The following LOC128462377 variants were observed in gnomAD, a reference collection of about 807,000 sequenced individuals.
chr16:89,328,955 G>A, the LOC128462377 span: 1 of 142,424 alleles, frequency 7.0e-6, no homozygotes, highest in East Asian at 2.1e-4. Context: ...AGGAGCACGG[G>A]CGAAATCAGT....
chr16:89,353,350 A>AAGAGAG, the LOC128462377 span, among the ~76,000 whole-genome samples: 12 of 149,554 alleles, frequency 8.0e-5, no homozygotes, highest in African/African-American at 2.7e-4. Context: ...TCCAAAAAAA[A>AAGAGAG]AGAGAGAGAG....
the LOC128462377 span, among the ~76,000 whole-genome samples, chr16:89,367,832 A>G: frequency 6.6e-6 from 1 of 152,026 alleles, no homozygotes; most frequent in Admixed American, 6.6e-5. Flanking sequence ...ACATGGCGAA[A>G]CCCTGTCTCT....
At chr16:89,347,271 CATGTGTGTACCTGT>C in the LOC128462377 span, among the ~76,000 whole-genome samples, 1 of 152,260 alleles carries the variant, frequency 6.6e-6, no homozygotes, top group African/African-American at 2.4e-5. Context: ...GACTGTCGCA[CATGTGTGTACCTGT>C]ATGTGTGTAC....
the LOC128462377 span, among the ~76,000 whole-genome samples, chr16:89,370,053 T>A: frequency 6.6e-6 from 1 of 152,188 alleles, no homozygotes; most frequent in African/African-American, 2.4e-5. Flanking sequence ...AACGCAAACC[T>A]TCTGGCTTCA....
At chr16:89,378,290 C>T in the LOC128462377 span, among the ~76,000 whole-genome samples, 7 of 152,306 alleles carry the variant, frequency 4.6e-5, no homozygotes, top group African/African-American at 1.7e-4. Context: ...AAATTAAATA[C>T]TCGGGGTATA....
At chr16:89,324,574 G>C in the LOC128462377 span, 7 of 452,902 alleles carry the variant, frequency 1.5e-5, no homozygotes, top group East Asian at 4.2e-4. Context: ...CCCTCCATCT[G>C]GGGGGGCATG....
chr16:89,414,019 A>ACCACGGGCCTGCACACCCTCCG, the LOC128462377 span, among the ~76,000 whole-genome samples: 3 of 151,626 alleles, frequency 2.0e-5, no homozygotes, highest in Non-Finnish European at 4.4e-5. Context: ...CCCAGCCACC[A>ACCACGGGCCTGCACACCCTCCG]CCACGGGCCT....
At chr16:89,367,402 A>G in the LOC128462377 span, among the ~76,000 whole-genome samples, 5 of 152,130 alleles carry the variant, frequency 3.3e-5, no homozygotes, top group African/African-American at 9.7e-5. Context: ...GGGATGCTCA[A>G]CGCAACCTTA....
At chr16:89,374,588 A>T in the LOC128462377 span, among the ~76,000 whole-genome samples, 1 of 152,210 alleles carries the variant, frequency 6.6e-6, no homozygotes, top group Non-Finnish European at 1.5e-5. Flanking sequence ...AGGATGCGCC[A>T]TCTACAGAGC....
the LOC128462377 span, among the ~76,000 whole-genome samples, chr16:89,329,247 A>G: frequency 5.9e-5 from 9 of 152,330 alleles, no homozygotes; most frequent in South Asian, 4.1e-4. Flanking sequence ...GGTATCCAGG[A>G]TAAGACGGGG....
At chr16:89,363,186 T>C in the LOC128462377 span, among the ~76,000 whole-genome samples, 7 of 152,274 alleles carry the variant, frequency 4.6e-5, no homozygotes, top group African/African-American at 1.4e-4. Flanking sequence ...AAATATACGA[T>C]GTTTCCAGAT....
chr16:89,323,358 C>G, the LOC128462377 span: 75 of 1,286,904 alleles, frequency 5.8e-5, no homozygotes, highest in Middle Eastern at 4.2e-4. Context: ...CACCACTGGC[C>G]TCTCACCTCT....
the LOC128462377 span, among the ~76,000 whole-genome samples, chr16:89,351,410 C>G: frequency 6.6e-6 from 1 of 152,190 alleles, no homozygotes; most frequent in African/African-American, 2.4e-5. Context: ...CTGACTTCAC[C>G]ACACACCCTC....
the LOC128462377 span, among the ~76,000 whole-genome samples, chr16:89,337,549 G>C: frequency 1.4e-5 from 2 of 139,466 alleles, no homozygotes; most frequent in African/African-American, 5.4e-5. Context: ...CCATTCTCCT[G>C]CCTCAACCTC....
the LOC128462377 span, chr16:89,395,624 G>A: frequency 3.9e-5 from 6 of 152,214 alleles, no homozygotes; most frequent in African/African-American, 1.2e-4. Flanking sequence ...TAGGTATCAG[G>A]GGAGGTAAGT....
chr16:89,335,255 AC>A, the LOC128462377 span, among the ~76,000 whole-genome samples: 1 of 151,778 alleles, frequency 6.6e-6, no homozygotes, highest in Non-Finnish European at 1.5e-5. Flanking sequence ...GCCTCACACC[AC>A]CCCTGTTCCC....
chr16:89,413,441 C>T, the LOC128462377 span, among the ~76,000 whole-genome samples: 1 of 152,002 alleles, frequency 6.6e-6, no homozygotes, highest in African/African-American at 2.4e-5. Context: ...CTAGCTAACA[C>T]GAGGAAACCC....
chr16:89,385,113 T>C, the LOC128462377 span, among the ~76,000 whole-genome samples: 2 of 152,036 alleles, frequency 1.3e-5, no homozygotes, highest in Non-Finnish European at 2.9e-5. Flanking sequence ...CTTGAACTCT[T>C]GACCTCAGGT....
the LOC128462377 span, among the ~76,000 whole-genome samples, chr16:89,318,187 T>G: frequency 6.6e-6 from 1 of 152,180 alleles, no homozygotes; most frequent in African/African-American, 2.4e-5. Flanking sequence ...CCTGGTCTCT[T>G]CTGTGGCGAT....
Sources: gnomAD v4.1 joint callset for allele counts (sites outside exome capture counted in the v4.1 genomes callset) on GRCh38, gnomAD v4.1.1 for gene constraint, MANE v1.5 for transcripts.